Variants in C8orf34 observed in about 807,000 individuals in gnomAD.
C8orf34 encodes the protein uncharacterized protein C8orf34.
In C8orf34, 65 loss-of-function variants were observed where a neutral mutation model predicts 68.3. The observed-to-expected ratio is 0.95, with a 90% CI of 0.78 to 1.17. C8orf34 has a LOEUF of 1.17. Among genes scored for constraint, C8orf34 ranks in the 50% most tolerant of loss-of-function variants. The pLI, the probability that C8orf34 is intolerant of heterozygous loss-of-function variation, is 0.00. For missense variants in C8orf34, 664 were observed against 655.4 expected, an observed-to-expected ratio of 1.01 and a Z score of -0.14; for synonymous variants, 244 against 241.2, an observed-to-expected ratio of 1.01 and a Z score of -0.11.
chr8:68,738,710 A>T (rs1229541446), intron 10 of C8orf34, among the ~76,000 whole-genome samples: 1 of 152,126 alleles, frequency 6.6e-6, no homozygotes, highest in East Asian at 1.9e-4. Flanking sequence ...TCCTGTATAC[A>T]TACATCCTCC....
chr8:68,381,722 G>A lies in C8orf34; in HGVS notation c.327+50383G>A, dbSNP rs1004330125. Among the ~76,000 whole-genome samples, 8 of 111,196 alleles carry A rather than the reference G, an allele frequency of 7.2e-5. No individual in the cohort carries two copies. In the Admixed American group the frequency reaches 7.8e-4, roughly 11 times the overall value. The allele number at this position is 111,196 out of a possible 152,430, so 72.9% of individuals were successfully genotyped here. A position where few individuals can be genotyped will look rare whatever the true frequency, so the allele number is the denominator to read the frequency against. On this transcript the variant is annotated intron_variant, in intron 1 of 13. Transcript: ENST00000518698. The stretch of plus-strand genomic sequence containing the variant: ...AGTCCGCAGTCCGGCCTGGGCGACA[G>A]AGCGAGACTCCGTCTCAAAAAAAAA...
chr8:68,567,568 TTCATTTA>T (rs1816628018), intron 7 of C8orf34, among the ~76,000 whole-genome samples: 1 of 145,554 alleles, frequency 6.9e-6, no homozygotes, highest in African/African-American at 2.6e-5. Context: ...CAAATTTTGT[TTCATTTA>T]TCTTTTTTTT....
At chr8:68,650,329 A>G (rs1316789785) in intron 8 of C8orf34, among the ~76,000 whole-genome samples, 1 of 152,042 alleles carries the variant, frequency 6.6e-6, no homozygotes, top group African/African-American at 2.4e-5. Context: ...TCCTGGAGAA[A>G]ATGCATTACC....
chr8:68,698,389 C>G (rs916300369), intron 8 of C8orf34, among the ~76,000 whole-genome samples: 5 of 152,030 alleles, frequency 3.3e-5, no homozygotes, highest in African/African-American at 1.2e-4. Context: ...GGCAGCAAAA[C>G]CTACTGTCAC....
intron 1 of C8orf34, among the ~76,000 whole-genome samples, chr8:68,397,294 T>C (rs1180817737): frequency 1.3e-5 from 2 of 152,052 alleles, no homozygotes; most frequent in East Asian, 3.9e-4. Flanking sequence ...ATTCATTGTT[T>C]TTACATTGAA....
chr8:68,457,771 A>G (rs538137299), intron 3 of C8orf34, among the ~76,000 whole-genome samples: 1 of 151,350 alleles, frequency 6.6e-6, no homozygotes, highest in South Asian at 2.1e-4. Flanking sequence ...GACCCCAAAG[A>G]CTCTTCCTAA....
rs370040386 is a variant in C8orf34 at position 68,640,479 on chromosome 8, G to A, written c.1209G>A (p.Lys403=). 4 of 1,613,756 alleles carry A rather than the reference G, an allele frequency of 2.5e-6. No homozygotes were observed. The African/African-American group carries it at 4.0e-5, about 16-fold the overall frequency. The change falls in exon 8 of 14, where the codon AAG becomes AAA. Residue 403 remains lysine (K), a synonymous_variant. Transcript: ENST00000518698. ...CTTACCCTGCTGAGCCTCAGGCCAA[G>A]GTCACACTGAACATCTGTTCAAGGT... ...RPTYPAEPQA[K]VTLNICSRCA... is the part of the protein sequence containing the mutation.
chr8:68,817,142 A>G (rs985037197), intron 13 of C8orf34, among the ~76,000 whole-genome samples: 3 of 152,212 alleles, frequency 2.0e-5, no homozygotes, highest in Non-Finnish European at 2.9e-5. Flanking sequence ...AGCACCTATC[A>G]TAGGTTTTCT....
chr8:68,748,950 C>A (rs556505379), intron 10 of C8orf34, among the ~76,000 whole-genome samples: 1 of 152,024 alleles, frequency 6.6e-6, no homozygotes, highest in Non-Finnish European at 1.5e-5. Flanking sequence ...ATGTTTATTG[C>A]GGCATTATTC....
intron 1 of C8orf34, among the ~76,000 whole-genome samples, chr8:68,383,969 T>C (rs1056707711): frequency 6.6e-6 from 1 of 152,238 alleles, no homozygotes; most frequent in African/African-American, 2.4e-5. Context: ...TACAGGATTT[T>C]GGTATAGATG....
intron 1 of C8orf34, among the ~76,000 whole-genome samples, chr8:68,420,507 A>G (rs1162233678): frequency 6.6e-6 from 1 of 151,900 alleles, no homozygotes; most frequent in Non-Finnish European, 1.5e-5. Flanking sequence ...ATTCCCCAAA[A>G]CTAATTATGA....
At chr8:68,534,169 T>G in intron 7 of C8orf34, 1 of 985,396 alleles carries the variant, frequency 1.0e-6, no homozygotes, top group Non-Finnish European at 1.2e-6. Context: ...TGTTATTTGG[T>G]CAATGGTGAC....
At chr8:68,465,500 A>C (rs1812076521) in intron 3 of C8orf34, among the ~76,000 whole-genome samples, 2 of 152,052 alleles carry the variant, frequency 1.3e-5, no homozygotes, top group South Asian at 4.2e-4. Flanking sequence ...ACACATGCAC[A>C]CGTATGTTTA....
chr8:68,355,725 C>T (rs1414770969), intron 1 of C8orf34, among the ~76,000 whole-genome samples: 2 of 152,134 alleles, frequency 1.3e-5, no homozygotes, highest in South Asian at 2.1e-4. Flanking sequence ...GCAAAGTGTA[C>T]GTGTCTGTGT....
At chr8:68,737,258 T>C (rs978960215) in intron 10 of C8orf34, among the ~76,000 whole-genome samples, 2 of 152,094 alleles carry the variant, frequency 1.3e-5, no homozygotes, top group African/African-American at 2.4e-5. Context: ...CTTTGTCCAT[T>C]GCTGCTTCCA....
rs183172890 is a variant in C8orf34 at position 68,341,536 on chromosome 8, T to C, written c.327+10197T>C. On this transcript the variant is annotated intron_variant, in intron 1 of 13. Transcript: ENST00000518698. ...GTGGATGTCCCCTCCATATCTCATG[T>C]TGAGATGTAATCCCTAGTGTTGAAG... 1.1e-3 allele frequency among the ~76,000 whole-genome samples: 164 copies of C among 152,326 alleles called. 1 individual carries two copies. The highest frequency in any genetic ancestry group is 3.6e-3 in the African/African-American group (148 of 41,572).
chr8:68,445,522 GGAATGGGCAA>G (rs1325479670), intron 2 of C8orf34, among the ~76,000 whole-genome samples: 1 of 152,072 alleles, frequency 6.6e-6, no homozygotes, highest in Non-Finnish European at 1.5e-5. Context: ...CTTTAATTGT[GGAATGGGCAA>G]GACAGTGACC....
rs150331874 is a variant in C8orf34 at position 68,619,791 on chromosome 8, T to C, written c.1106-20585T>C. ...TCCTCAGAGGTTTAATTATAAATCATAGTCACAATTTAGCAAAATACGGAT... is the reference window on the plus strand; with the variant it reads ...TCCTCAGAGGTTTAATTATAAATCACAGTCACAATTTAGCAAAATACGGAT... On this transcript the variant is annotated intron_variant, in intron 7 of 13. Coordinates refer to ENST00000518698, the MANE Select transcript of C8orf34 (RefSeq NM_052958.4). Among the ~76,000 whole-genome samples the C allele has an allele frequency of 1.7e-3, 255 of 152,226 alleles. 3 individuals carry two copies. The highest frequency in any genetic ancestry group is 5.7e-3 in the African/African-American group (237 of 41,526).
Position 68,578,266 on chromosome 8 carries a change from G to C in C8orf34, c.1105+45117G>C, listed in dbSNP as rs1425171386. ...GATTAAATAATATTTATGATGCCAA[G>C]ATACACTCTAAACCTCCTTTCTTCA... is the stretch of plus-strand genomic sequence containing the variant. On this transcript the variant is annotated intron_variant, in intron 7 of 13. Transcript: ENST00000518698. Among the ~76,000 whole-genome samples, 3 of 152,000 alleles carry C rather than the reference G, an allele frequency of 2.0e-5. No homozygotes were observed. The East Asian group carries it at 5.8e-4, about 29-fold the overall frequency.
Sources: allele counts gnomAD v4.1 joint callset (sites outside exome capture counted in the v4.1 genomes callset), GRCh38; gene constraint gnomAD v4.1.1; transcripts MANE v1.5; gene names NCBI Gene and HGNC (gene_info 2026-07-23, HGNC 2026-07-21).